SRGAP1: variants seen among roughly 807,000 people sequenced by gnomAD.
The protein encoded by SRGAP1 is SLIT-ROBO Rho GTPase activating protein 1.
A neutral mutation model predicts 121.9 loss-of-function variants in SRGAP1; 43 were observed. That is an observed-to-expected ratio of 0.35 (90% CI 0.28 to 0.46). The LOEUF is 0.46. SRGAP1 is among the 20% of genes least tolerant of loss of function. The pLI is 1.00. For synonymous variants in SRGAP1, 447 were observed against 485.4 expected (o/e 0.92, Z 1.04); for missense variants, 1,102 against 1,350.9 (o/e 0.82, Z 2.89).
intron 10 of SRGAP1, among the ~76,000 whole-genome samples, chr12:64,085,244 T>C (rs1367019581): frequency 6.6e-6 from 1 of 152,196 alleles, no homozygotes; most frequent in African/African-American, 2.4e-5. Context: ...ATAAAGTCGT[T>C]GTGAAAATTG....
intron 4 of SRGAP1, among the ~76,000 whole-genome samples, chr12:64,040,018 T>G (rs1020627384): frequency 6.6e-6 from 1 of 152,186 alleles, no homozygotes; most frequent in Non-Finnish European, 1.5e-5. Context: ...TGTAATGCCT[T>G]TAACATGATT....
intron 4 of SRGAP1, among the ~76,000 whole-genome samples, chr12:64,037,475 C>T (rs1464490468): frequency 1.3e-5 from 2 of 152,254 alleles, no homozygotes; most frequent in Non-Finnish European, 2.9e-5. Context: ...TACTAAGACA[C>T]TGCTTTGACC....
rs1359275067 is a variant in SRGAP1, at chr12:64,153,231, G to GT, written c.*10560dup. On this transcript the variant is annotated 3_prime_UTR_variant, in exon 22 of 22. Transcript: ENST00000355086. Reference sequence around the variant, plus strand: ...AGAGTCAAACACATTCACTGTGACTGTACCACCATAAGCAAGAAGCCCTGG... The same window carrying GT: ...AGAGTCAAACACATTCACTGTGACTGTTACCACCATAAGCAAGAAGCCCTGG... The GT allele has an allele frequency of 6.6e-6, 1 of 152,012 alleles. No individual in the cohort carries two copies. The highest frequency in any genetic ancestry group is 1.5e-5 in the Non-Finnish European group (1 of 68,024). 9.4% of individuals were successfully genotyped at this position (152,012 alleles called of 1,614,324 possible).
chr12:63,910,437 T>A (rs550188379), intron 1 of SRGAP1, among the ~76,000 whole-genome samples: 38 of 152,348 alleles, frequency 2.5e-4, no homozygotes, highest in Admixed American at 9.2e-4. Flanking sequence ...TAGCTGACTA[T>A]CCTTCCAACC....
At chr12:64,059,711 G>A (rs139041720) in intron 6 of SRGAP1, among the ~76,000 whole-genome samples, 378 of 152,076 alleles carry the variant, frequency 2.5e-3, no homozygotes, top group African/African-American at 8.4e-3. Flanking sequence ...GTATAAAACC[G>A]CTCCACACAA....
At position 64,152,213 on chromosome 12, in the gene SRGAP1, G is replaced by A. The variant is rs953764496; in HGVS notation, c.*9541G>A. On this transcript the variant is annotated 3_prime_UTR_variant, in exon 22 of 22. Coordinates refer to ENST00000355086, the MANE Select transcript of SRGAP1 (RefSeq NM_020762.4). Reference sequence around the variant, plus strand: ...ATGTTAACCCTCATAAGAAAGCCAAGAGAGCCACAGTTATTATCATCATCT... The same window carrying A: ...ATGTTAACCCTCATAAGAAAGCCAAAAGAGCCACAGTTATTATCATCATCT... 6.6e-6 allele frequency: 1 copy of A among 152,142 alleles called. No individual in the cohort carries two copies. The highest frequency in any genetic ancestry group is 1.5e-5 in the Non-Finnish European group (1 of 68,052). 9.4% of individuals were successfully genotyped at this position (152,142 alleles called of 1,614,324 possible). A position where few individuals can be genotyped will look rare whatever the true frequency, so the allele number is the denominator to read the frequency against.
At position 64,027,438 on chromosome 12, in the gene SRGAP1, G is replaced by T. The variant is rs1397633023; in HGVS notation, c.489+10426G>T. On this transcript the variant is annotated intron_variant, in intron 4 of 21. Coordinates refer to ENST00000355086, the MANE Select transcript of SRGAP1 (RefSeq NM_020762.4). Reference sequence around the variant, plus strand: ...ACTGAGAAAATTGCAGAGAGGAAAAGGTCTAAAAATGGACTTGAGAGGATA... The same window carrying T: ...ACTGAGAAAATTGCAGAGAGGAAAATGTCTAAAAATGGACTTGAGAGGATA... Among the ~76,000 whole-genome samples the T allele has an allele frequency of 2.6e-5, 4 of 152,010 alleles. No homozygotes were observed. The East Asian group carries it at 7.7e-4, about 29-fold the overall frequency.
intron 10 of SRGAP1, among the ~76,000 whole-genome samples, chr12:64,084,070 G>A (rs2035896109): frequency 6.6e-6 from 1 of 152,192 alleles, no homozygotes; most frequent in Admixed American, 6.5e-5. Context: ...TCATTCATTA[G>A]GGAGCAAATC....
chr12:64,116,044 C>G, intron 18 of SRGAP1, 151 bp downstream of exon 18: 3 of 642,674 alleles, frequency 4.7e-6, no homozygotes, highest in Middle Eastern at 3.9e-4. Flanking sequence ...CACTTGAGCC[C>G]AGGAGTTCAA....
intron 6 of SRGAP1, among the ~76,000 whole-genome samples, chr12:64,056,707 C>T (rs948923932): frequency 1.3e-5 from 2 of 152,116 alleles, no homozygotes; most frequent in African/African-American, 4.8e-5. Flanking sequence ...CATTTAGTGT[C>T]ATCTCTTGCA....
chr12:63,910,364 A>G (rs567928930), intron 1 of SRGAP1, among the ~76,000 whole-genome samples: 1 of 152,318 alleles, frequency 6.6e-6, no homozygotes, highest in African/African-American at 2.4e-5. Flanking sequence ...AAATATGCCT[A>G]TACCTTCTGT....
intron 1 of SRGAP1, among the ~76,000 whole-genome samples, chr12:63,937,927 C>T (rs904602663): frequency 2.0e-5 from 3 of 152,222 alleles, no homozygotes; most frequent in Non-Finnish European, 4.4e-5. Context: ...CCCCGTGGCA[C>T]GGTTGGCCTG....
intron 6 of SRGAP1, among the ~76,000 whole-genome samples, chr12:64,050,681 G>A (rs2136517706): frequency 6.6e-6 from 1 of 152,210 alleles, no homozygotes; most frequent in Admixed American, 6.5e-5. Context: ...TGGATGATAT[G>A]TCCCTTAAGT....
chr12:64,137,982 A>AT (rs1491451662), intron 21 of SRGAP1, among the ~76,000 whole-genome samples: 1,505 of 108,922 alleles, frequency 0.014, 21 homozygotes, highest in African/African-American at 0.031. Context: ...ATATATATAT[A>AT]AAAAATAATA....
chr12:64,142,642 G>C lies in SRGAP1; in HGVS notation c.3228G>C (p.Gln1076His). 6.2e-7 allele frequency: 1 copy of C among 1,614,078 alleles called. No homozygotes were observed. The change falls in exon 22 of 22, where the codon CAG (glutamine) becomes CAC (histidine). Residue 1076 changes from glutamine to histidine, a missense_variant. Around this residue, in one of 3 missense-constraint regions of SRGAP1, gnomAD observed 315 missense variants for 343.1 expected, o/e 0.92. Transcript: ENST00000355086. ...NPTIGPAPPP[Q>H]GPTDKSCTM ...CCATAGGACCTGCCCCACCTCCCCA[G>C]GGTCCAACAGACAAGTCATGCACAA...
chr12:64,007,126 A>C (rs1197807344), intron 3 of SRGAP1, among the ~76,000 whole-genome samples: 1 of 152,122 alleles, frequency 6.6e-6, no homozygotes, highest in Non-Finnish European at 1.5e-5. Flanking sequence ...AAATATAAAA[A>C]CTTGTACTTA....
At chr12:63,854,786 A>G (rs1396442617) in intron 1 of SRGAP1, among the ~76,000 whole-genome samples, 2 of 152,162 alleles carry the variant, frequency 1.3e-5, no homozygotes, top group African/African-American at 4.8e-5. Flanking sequence ...TGAATTATTT[A>G]TAGTTTTTTT....
At chr12:63,870,626 G>A (rs770849151) in intron 1 of SRGAP1, among the ~76,000 whole-genome samples, 8 of 146,604 alleles carry the variant, frequency 5.5e-5, no homozygotes, top group Non-Finnish European at 1.0e-4. Flanking sequence ...TGCAACCTCC[G>A]CTTCTGGGGT....
At chr12:64,068,889 A>G (rs1262062708) in intron 8 of SRGAP1, among the ~76,000 whole-genome samples, 1 of 151,658 alleles carries the variant, frequency 6.6e-6, no homozygotes, top group East Asian at 2.0e-4. Context: ...GCATGCCTGT[A>G]GTCCCAGTTA....
Sources: gnomAD v4.1 joint callset for allele counts (sites outside exome capture counted in the v4.1 genomes callset) on GRCh38, gnomAD v4.1.1 for gene constraint, gnomAD v4.1.1 regional missense constraint, MANE v1.5 for transcripts, NCBI Gene and HGNC (gene_info 2026-07-23, HGNC 2026-07-21) for gene names.